The following RASSF3 variants were observed in gnomAD, a reference collection of about 807,000 sequenced individuals.
The protein encoded by RASSF3 is Ras association domain family member 3, also known as ras association domain-containing protein 3.
Under a neutral mutation model 19.9 loss-of-function variants are expected in RASSF3, and 19 were observed. The observed-to-expected ratio is 0.96, with a 90% CI of 0.67 to 1.40. RASSF3 has a LOEUF of 1.40. RASSF3 is among the 40% of genes most tolerant of loss of function. The probability of loss-of-function intolerance (pLI) is 0.00; values close to 1 mark genes in which losing one functional copy is unlikely to be tolerated. For missense variants in RASSF3, 306 were observed against 289.8 expected, an observed-to-expected ratio of 1.06 and a Z score of -0.41; for synonymous variants, 110 against 104.2, an observed-to-expected ratio of 1.06 and a Z score of -0.34.
chr12:64,551,381 G>A (rs1869156973), intron 2 of RASSF3, among the ~76,000 whole-genome samples: 1 of 152,036 alleles, frequency 6.6e-6, no homozygotes, highest in Non-Finnish European at 1.5e-5. Context: ...TTGAGACCAG[G>A]CTGGGCAACA....
chr12:64,556,475 A>G (rs993540179), intron 2 of RASSF3, among the ~76,000 whole-genome samples: 1 of 152,028 alleles, frequency 6.6e-6, no homozygotes, highest in Non-Finnish European at 1.5e-5. Context: ...GAGTTCTTCT[A>G]TAAAAGAGCC....
chr12:64,532,378 T>A (rs1868730581), upstream of RASSF3, among the ~76,000 whole-genome samples: 1 of 152,198 alleles, frequency 6.6e-6, no homozygotes, highest in Non-Finnish European at 1.5e-5. Flanking sequence ...TTGGAAATAT[T>A]TAGAAAGCAG....
At chr12:64,590,912 C>A (rs1869909754) in intron 2 of RASSF3, among the ~76,000 whole-genome samples, 1 of 152,166 alleles carries the variant, frequency 6.6e-6, no homozygotes. Context: ...GAGCATCAAC[C>A]AAGACACAGC....
rs577502598 is a variant in RASSF3, at chr12:64,563,675, A to G, written c.294+21970A>G. On this transcript the variant is annotated intron_variant, in intron 2 of 5. Transcript: ENST00000637125. ...GACTCTTGCTCTGTCCATTAAATAC[A>G]CCAAGCTCAGTCCTGAGGTCCATTG... Among the ~76,000 whole-genome samples the G allele has an allele frequency of 5.3e-5, 8 of 152,220 alleles. No individual in the cohort carries two copies. The South Asian group carries it at 1.7e-3, about 32-fold the overall frequency.
At chr12:64,622,456 T>A in intron 1 of RASSF3, 1 of 528,820 alleles carries the variant, frequency 1.9e-6, no homozygotes, top group Non-Finnish European at 3.9e-6. Flanking sequence ...TTATACTGTT[T>A]ACTTATAGGC....
intron 1 of RASSF3, among the ~76,000 whole-genome samples, chr12:64,541,005 A>G (rs1378312247): frequency 7.1e-6 from 1 of 140,596 alleles, no homozygotes; most frequent in South Asian, 2.2e-4. Flanking sequence ...TTTTTTTTCT[A>G]AGTAAGGCCA....
chr12:64,520,451 G>A (rs573799600), intron 1 of RASSF3, among the ~76,000 whole-genome samples: 95 of 151,460 alleles, frequency 6.3e-4, no homozygotes, highest in Non-Finnish European at 1.2e-3. Flanking sequence ...GTGAGCCACC[G>A]CGCCGGCTAA....
At chr12:64,528,814 C>G (rs1369087790), upstream of RASSF3, among the ~76,000 whole-genome samples, 2 of 152,212 alleles carry the variant, frequency 1.3e-5, no homozygotes, top group Non-Finnish European at 2.9e-5. Flanking sequence ...CTGTGACTCG[C>G]AGTGACTGAT....
At chr12:64,642,726 A>C (rs755269374) in intron 1 of RASSF3, among the ~76,000 whole-genome samples, 1 of 151,778 alleles carries the variant, frequency 6.6e-6, no homozygotes, top group African/African-American at 2.4e-5. Flanking sequence ...GAAGTTTGGA[A>C]ACAGTAGATA....
chr12:64,546,999 C>G (rs1869074978), intron 2 of RASSF3, among the ~76,000 whole-genome samples: 1 of 152,146 alleles, frequency 6.6e-6, no homozygotes, highest in African/African-American at 2.4e-5. Flanking sequence ...TGGGGCCAGG[C>G]ATGGTGGCTC....
intron 1 of RASSF3, among the ~76,000 whole-genome samples, chr12:64,508,788 G>T (rs994196657): frequency 1.3e-5 from 2 of 152,022 alleles, no homozygotes; most frequent in African/African-American, 4.8e-5. Context: ...GGAGGCAGAA[G>T]CAGGAGAATT....
intron 1 of RASSF3, among the ~76,000 whole-genome samples, chr12:64,683,278 A>G (rs551718224): frequency 7.7e-4 from 118 of 152,270 alleles, no homozygotes; most frequent in African/African-American, 2.6e-3. Context: ...TGTTGGGAGA[A>G]GTAAAGGCAA....
intron 2 of RASSF3, among the ~76,000 whole-genome samples, chr12:64,565,063 G>A (rs932148891): frequency 2.0e-5 from 3 of 151,466 alleles, no homozygotes; most frequent in African/African-American, 7.3e-5. Flanking sequence ...TTACAGGTGT[G>A]AGCCACCACA....
chr12:64,556,195 T>A (rs1190185030), intron 2 of RASSF3, among the ~76,000 whole-genome samples: 1 of 152,134 alleles, frequency 6.6e-6, no homozygotes, highest in African/African-American at 2.4e-5. Context: ...GATCTCACTC[T>A]GTCACCCAGG....
At chr12:64,626,170 A>G (rs764149223) in intron 1 of RASSF3, among the ~76,000 whole-genome samples, 4 of 152,186 alleles carry the variant, frequency 2.6e-5, no homozygotes, top group Non-Finnish European at 4.4e-5. Flanking sequence ...TATAAATGTT[A>G]TTATTAACAA....
At chr12:64,668,921 G>C (rs954393794) in intron 1 of RASSF3, among the ~76,000 whole-genome samples, 4 of 150,446 alleles carry the variant, frequency 2.7e-5, no homozygotes, top group African/African-American at 9.8e-5. Context: ...TGCCCGCCTC[G>C]GCCTCCCAAA....
chr12:64,622,464 G>C (rs1410754633), intron 1 of RASSF3: 1 of 530,950 alleles, frequency 1.9e-6, no homozygotes, highest in South Asian at 1.4e-5. Context: ...TTTACTTATA[G>C]GCTTACTGTC....
chr12:64,609,748 A>G (rs1317965334), upstream of RASSF3, among the ~76,000 whole-genome samples: 4 of 152,120 alleles, frequency 2.6e-5, no homozygotes, highest in Admixed American at 1.3e-4. Context: ...TTTACAAAGC[A>G]CATTTAATTG....
chr12:64,631,614 C>T (rs1291348664), intron 1 of RASSF3, among the ~76,000 whole-genome samples: 1 of 152,138 alleles, frequency 6.6e-6, no homozygotes. Flanking sequence ...CTCTGTCGCC[C>T]AGGCTGGAGT....
Sources: allele counts gnomAD v4.1 joint callset (sites outside exome capture counted in the v4.1 genomes callset), GRCh38; gene constraint gnomAD v4.1.1; transcripts MANE v1.5; gene names NCBI Gene and HGNC (gene_info 2026-07-23, HGNC 2026-07-21).